TRIM24: variants seen among roughly 807,000 people sequenced by gnomAD.
TRIM24 encodes the protein tripartite motif containing 24, also known as transcription intermediary factor 1-alpha.
In TRIM24, 29 loss-of-function variants were observed where a neutral mutation model predicts 123.9. That is an observed-to-expected ratio of 0.23 (90% confidence interval 0.17 to 0.32). The LOEUF is 0.32. Ranked by LOEUF, TRIM24 falls within the 10% of genes least tolerant of loss-of-function variation. The pLI is 1.00. For synonymous variants in TRIM24, 456 were observed against 461.1 expected (o/e 0.99, Z 0.14); for missense variants, 932 against 1,295.3 (o/e 0.72, Z 4.31).
chr7:138,587,043 T>G lies in TRIM24; in HGVS notation c.*2092T>G, dbSNP rs1798032030. On this transcript the variant is annotated 3_prime_UTR_variant, in exon 19 of 19. Coordinates refer to ENST00000343526, the MANE Select transcript of TRIM24 (RefSeq NM_015905.3). ...AGAACCATCTTTTGGTCATACATAA[T>G]ATAATTATATTAAAAGTAAAGATCG... The G allele has an allele frequency of 6.6e-6, 1 of 152,150 alleles. No homozygotes were observed. Among genetic ancestry groups the G allele is most frequent in the South Asian group, 2.1e-4 (1 of 4,822 alleles). The allele number at this position is 152,150 out of a possible 1,614,324, so 9.4% of individuals were successfully genotyped here. A position where few individuals can be genotyped will look rare whatever the true frequency, so the allele number is the denominator to read the frequency against.
At chr7:138,567,460 G>A in intron 9 of TRIM24, 21 bp from the exon 10 acceptor site, 1 of 1,590,680 alleles carries the variant, frequency 6.3e-7, no homozygotes, top group Non-Finnish European at 8.5e-7. Context: ...TTACTAAATT[G>A]GTTTAATTTC....
At position 138,519,316 on chromosome 7, in the gene TRIM24, G is replaced by C; in HGVS notation, c.759G>C (p.Glu253Asp). Residue 253 changes from glutamate (E) to aspartate (D), a missense_variant, in exon 4 of 19, where the codon GAG becomes GAC. Around this residue, in one of 7 missense-constraint regions of TRIM24, gnomAD observed 74 missense variants for 163.6 expected, o/e 0.45. Transcript: ENST00000343526. ...CRDCQLLEHK[E>D]HRYQFIEEAF... ...ACTGTCAGTTGTTAGAACATAAAGA[G>C]CATAGGTACCAGCATCTTTGGTTAT... is the stretch of plus-strand genomic sequence containing the variant. 1 of 1,605,250 alleles carries C rather than the reference G, an allele frequency of 6.2e-7. No individual in the cohort carries two copies. Among genetic ancestry groups the C allele is most frequent in the South Asian group, 1.1e-5 (1 of 89,700 alleles).
In TRIM24 at chr7:138,580,558, A is replaced by G. The variant is rs1280909430; in HGVS notation, c.2586-4A>G. ...GAATTCAAAAGTACATTGTCCCCTAACAGTGGAGAGTGGATTTGCACTTTC... is the reference window on the plus strand; with the variant it reads ...GAATTCAAAAGTACATTGTCCCCTAGCAGTGGAGAGTGGATTTGCACTTTC... On this transcript the variant is annotated splice_region_variant and splice_polypyrimidine_tract_variant and intron_variant, in intron 15 of 18. Transcript: ENST00000343526. 1.2e-6 allele frequency: 2 copies of G among 1,610,434 alleles called. No individual in the cohort carries two copies. The highest frequency in any genetic ancestry group is 8.5e-7 in the Non-Finnish European group (1 of 1,178,254).
At position 138,577,405 on chromosome 7, in the gene TRIM24, C is replaced by A. The variant is rs745388621; in HGVS notation, c.2088-15C>A. 4.6e-6 allele frequency: 7 copies of A among 1,520,022 alleles called. No individual in the cohort carries two copies. Among genetic ancestry groups the A allele is most frequent in the Admixed American group, 4.7e-5 (2 of 42,632 alleles). The allele number at this position is 1,520,022 out of a possible 1,614,324, so 94.2% of individuals were successfully genotyped here. On this transcript the variant is annotated splice_polypyrimidine_tract_variant and intron_variant, in intron 13 of 18. Coordinates refer to ENST00000343526, the MANE Select transcript of TRIM24 (RefSeq NM_015905.3). ...ACATTCTTAGATTGCTTTTTCTTCT[C>A]TCTCATACTTACAGCTCTGGCTCTT...
At position 138,581,761 on chromosome 7, in the gene TRIM24, T is replaced by C; in HGVS notation, c.2783T>C (p.Val928Ala). ...ATGAGCCTGGCTTTTCAAGACCCTG[T>C]TCCTCTAACTGTAAGTATTAATGTC... Reference protein sequence around the residue: ...HEMSLAFQDPVPLTVPDYYKI... With the variant: ...HEMSLAFQDPAPLTVPDYYKI... Residue 928 changes from valine (V) to alanine (A), a missense_variant, in exon 17 of 19, where the codon GTT becomes GCT. By Grantham distance (64) the Val-to-Ala change is moderately conservative. This residue lies in a region of TRIM24 where 16 missense variants were observed against 46.5 expected (regional missense o/e 0.34). Coordinates refer to ENST00000343526, the MANE Select transcript of TRIM24 (RefSeq NM_015905.3). 6.2e-7 allele frequency: 1 copy of C among 1,612,698 alleles called. No homozygotes were observed. The highest frequency in any genetic ancestry group is 8.5e-7 in the Non-Finnish European group (1 of 1,179,016).
Position 138,578,939 on chromosome 7 carries a change from G to T in TRIM24, c.2257-265G>T, listed in dbSNP as rs28751947. On this transcript the variant is annotated intron_variant, in intron 14 of 18. Coordinates refer to ENST00000343526, the MANE Select transcript of TRIM24 (RefSeq NM_015905.3). ...AGTGAGGTATATATATATATATATA[G>T]GTCATGTGGTTGACTTCCACTCTAC... Among the ~76,000 whole-genome samples, 624 of 149,378 alleles carry T rather than the reference G, an allele frequency of 4.2e-3. 6 individuals carry two copies. Among genetic ancestry groups the T allele is most frequent in the African/African-American group, 0.015 (608 of 39,872 alleles).
At chr7:138,496,724 C>T (rs535750830) in intron 1 of TRIM24, among the ~76,000 whole-genome samples, 3 of 151,800 alleles carry the variant, frequency 2.0e-5, no homozygotes, top group African/African-American at 7.2e-5. Flanking sequence ...TGGTCTTGAA[C>T]TCCAGGCCTG....
chr7:138,508,686 T>TGCGCGCGCGC (rs1168887347), intron 2 of TRIM24, among the ~76,000 whole-genome samples: 4 of 85,948 alleles, frequency 4.7e-5, no homozygotes, highest in African/African-American at 1.1e-4. Flanking sequence ...TGTGTGTGTG[T>TGCGCGCGCGC]GTGTGTGCGC....
chr7:138,530,535 C>T (rs188191949), intron 6 of TRIM24, among the ~76,000 whole-genome samples: 7 of 152,120 alleles, frequency 4.6e-5, no homozygotes, highest in South Asian at 2.1e-4. Context: ...GCGTGAATCA[C>T]GGCTCACTAC....
At chr7:138,481,475 T>G (rs1257140442) in intron 1 of TRIM24, among the ~76,000 whole-genome samples, 1 of 152,162 alleles carries the variant, frequency 6.6e-6, no homozygotes, top group Non-Finnish European at 1.5e-5. Context: ...TTTTTGAATT[T>G]GAATTTTTGA....
chr7:138,495,800 G>A (rs1332494112), intron 1 of TRIM24, among the ~76,000 whole-genome samples: 1 of 152,066 alleles, frequency 6.6e-6, no homozygotes, highest in East Asian at 1.9e-4. Flanking sequence ...GAGAGTCATT[G>A]AACTTGGGAA....
intron 3 of TRIM24, among the ~76,000 whole-genome samples, chr7:138,517,788 A>G (rs1796431873): frequency 6.6e-6 from 1 of 152,076 alleles, no homozygotes; most frequent in African/African-American, 2.4e-5. Context: ...ATGGCTGATT[A>G]CTGAGCATTG....
At chr7:138,584,085 C>A in intron 18 of TRIM24, 86 bp downstream of exon 18, 3 of 1,417,554 alleles carry the variant, frequency 2.1e-6, no homozygotes, top group Non-Finnish European at 2.8e-6. Flanking sequence ...CATAGGAGAC[C>A]AAGATGTCTG....
At chr7:138,500,477 C>G (rs1796012458) in intron 1 of TRIM24, among the ~76,000 whole-genome samples, 1 of 150,376 alleles carries the variant, frequency 6.6e-6, no homozygotes, top group African/African-American at 2.5e-5. Context: ...GTGGGAGAAT[C>G]ACCTGAGCCC....
chr7:138,527,174 C>G (rs1220459503), intron 5 of TRIM24, among the ~76,000 whole-genome samples: 1 of 152,070 alleles, frequency 6.6e-6, no homozygotes, highest in African/African-American at 2.4e-5. Flanking sequence ...GTGTTTTTCT[C>G]ATTGCTAGTA....
intron 1 of TRIM24, among the ~76,000 whole-genome samples, chr7:138,501,899 C>CAAAAAACAAAAAA (rs377018923): frequency 3.7e-4 from 56 of 149,850 alleles, no homozygotes; most frequent in Middle Eastern, 3.4e-3. Context: ...AAAAAAAAAA[C>CAAAAAACAAAAAA]CAGTAGCAAC....
At position 138,460,614 on chromosome 7, in the gene TRIM24, G is replaced by A. The variant is rs912316225; in HGVS notation, c.66G>A (p.Gly22=). Residue 22 remains glycine (G), a synonymous_variant, in exon 1 of 19, where the codon GGG becomes GGA. Coordinates refer to ENST00000343526, the MANE Select transcript of TRIM24 (RefSeq NM_015905.3). ...CGGCCTCGGCTGCGGCCTCCGGGGG[G>A]CCCTCGGCGGCGCCGAGCGGGGAGA... The part of the protein sequence containing the change: ...AAAASAAASG[G]PSAAPSGENE... 3 of 1,380,870 alleles carry A rather than the reference G, an allele frequency of 2.2e-6. No homozygotes were observed. Among genetic ancestry groups the A allele is most frequent in the East Asian group, 3.1e-5 (1 of 32,708 alleles). The allele number at this position is 1,380,870 out of a possible 1,614,324, so 85.5% of individuals were successfully genotyped here. A position where few individuals can be genotyped will look rare whatever the true frequency, so the allele number is the denominator to read the frequency against.
At chr7:138,463,043 G>GTTTTTTTTTTTTTTTTT (rs57719141) in intron 1 of TRIM24, among the ~76,000 whole-genome samples, 1 of 60,132 alleles carries the variant, frequency 1.7e-5, no homozygotes, top group Admixed American at 2.5e-4. Flanking sequence ...CTAATTTTGT[G>GTTTTTTTTTTTTTTTTT]TTTTTTTTTT....
rs1000402803 is a variant in TRIM24, at chr7:138,565,451, C to T, written c.1531-2030C>T. ...TCCTGCTTAGGTTCCATTGTGCTGT[C>T]AGGTAGGGTCAAGGGAGAGCTGATC... On this transcript the variant is annotated intron_variant, in intron 9 of 18. Coordinates refer to ENST00000343526, the MANE Select transcript of TRIM24 (RefSeq NM_015905.3). 1.1e-4 allele frequency among the ~76,000 whole-genome samples: 17 copies of T among 152,244 alleles called. No homozygotes were observed. The South Asian group carries it at 3.5e-3, about 32-fold the overall frequency.
Sources: allele counts gnomAD v4.1 joint callset (sites outside exome capture counted in the v4.1 genomes callset), GRCh38; gene constraint gnomAD v4.1.1; regional missense constraint gnomAD v4.1.1; transcripts MANE v1.5; gene names NCBI Gene and HGNC (gene_info 2026-07-23, HGNC 2026-07-21).